NRG3: variants seen among roughly 807,000 people sequenced by gnomAD.
NRG3 encodes the protein pro-neuregulin-3, membrane-bound isoform.
NRG3 carries 31 observed loss-of-function variants against 66.9 expected under a neutral mutation model. That is an observed-to-expected ratio of 0.46 (90% CI 0.35 to 0.63). NRG3 has a LOEUF of 0.63. NRG3 is among the 20% of genes least tolerant of loss of function. The pLI is 0.00. For missense variants in NRG3, 910 were observed against 878.9 expected (o/e 1.04, Z -0.45); for synonymous variants, 393 against 359.4 (o/e 1.09, Z -1.06).
intron 2 of NRG3, among the ~76,000 whole-genome samples, chr10:82,731,786 ATCC>A (rs1439000603): frequency 1.3e-5 from 2 of 152,194 alleles, no homozygotes; most frequent in Non-Finnish European, 2.9e-5. Flanking sequence ...TTGTCTATAT[ATCC>A]AGTAGTGGGA....
chr10:82,835,641 AC>A (rs2062735669), intron 3 of NRG3, among the ~76,000 whole-genome samples: 1 of 151,976 alleles, frequency 6.6e-6, no homozygotes, highest in African/African-American at 2.4e-5. Flanking sequence ...AGATTTCATG[AC>A]CCTCCATCTT....
At chr10:81,940,249 C>T (rs922521919) in intron 1 of NRG3, among the ~76,000 whole-genome samples, 1 of 152,074 alleles carries the variant, frequency 6.6e-6, no homozygotes, top group Admixed American at 6.6e-5. Flanking sequence ...TGCTCTTATT[C>T]TGTGGAGACC....
At chr10:81,994,275 A>G (rs1456553905) in intron 1 of NRG3, among the ~76,000 whole-genome samples, 2 of 152,040 alleles carry the variant, frequency 1.3e-5, no homozygotes, top group Non-Finnish European at 1.5e-5. Flanking sequence ...TGCCTCTTGG[A>G]TTTCTCCCTA....
chr10:82,984,079 GAT>G (rs1404357225), intron 8 of NRG3, among the ~76,000 whole-genome samples: 1 of 152,212 alleles, frequency 6.6e-6, no homozygotes, highest in Non-Finnish European at 1.5e-5. Flanking sequence ...ATGGAAGGTT[GAT>G]ATGTTTAAAT....
At chr10:82,636,858 G>C (rs531969939) in intron 2 of NRG3, among the ~76,000 whole-genome samples, 1 of 151,794 alleles carries the variant, frequency 6.6e-6, no homozygotes, top group Non-Finnish European at 1.5e-5. Context: ...GTGTGAGAGA[G>C]TGTGTGTGTG....
chr10:82,495,811 GACACACAC>G (rs55671097), intron 2 of NRG3, among the ~76,000 whole-genome samples: 11 of 144,894 alleles, frequency 7.6e-5, no homozygotes, highest in African/African-American at 1.3e-4. Flanking sequence ...TTAGAGTGCA[GACACACAC>G]ACACACACAC....
At chr10:82,899,949 C>T (rs1237391863) in intron 4 of NRG3, among the ~76,000 whole-genome samples, 7 of 152,090 alleles carry the variant, frequency 4.6e-5, no homozygotes, top group South Asian at 2.1e-4. Flanking sequence ...CCTGAGACTT[C>T]GTAATTTATA....
At chr10:82,846,646 G>GGT (rs2063321530) in intron 3 of NRG3, among the ~76,000 whole-genome samples, 2 of 152,056 alleles carry the variant, frequency 1.3e-5, no homozygotes, top group South Asian at 4.1e-4. Context: ...ATGTCAAGAC[G>GGT]GTGTGTGTGT....
At chr10:81,933,298 G>A (rs1847565001) in intron 1 of NRG3, among the ~76,000 whole-genome samples, 1 of 151,982 alleles carries the variant, frequency 6.6e-6, no homozygotes, top group African/African-American at 2.4e-5. Context: ...ATCTAATTAT[G>A]TATAATTCCC....
chr10:82,945,136 T>C (rs1419678911), intron 4 of NRG3, among the ~76,000 whole-genome samples: 1 of 152,204 alleles, frequency 6.6e-6, no homozygotes, highest in Non-Finnish European at 1.5e-5. Context: ...CTTGCTTTTC[T>C]GTCTTTGAAT....
chr10:82,378,690 C>T (rs2085419424), intron 2 of NRG3, among the ~76,000 whole-genome samples: 1 of 152,082 alleles, frequency 6.6e-6, no homozygotes, highest in African/African-American at 2.4e-5. Context: ...CCTGTCTCAG[C>T]CTCCCAAGTA....
chr10:82,934,424 G>T (rs1002300582), intron 4 of NRG3, among the ~76,000 whole-genome samples: 1 of 152,306 alleles, frequency 6.6e-6, no homozygotes, highest in South Asian at 2.1e-4. Context: ...TGTATGGATT[G>T]TCTTGCTTCT....
intron 8 of NRG3, among the ~76,000 whole-genome samples, chr10:82,980,150 A>G (rs1852707194): frequency 6.6e-6 from 1 of 151,956 alleles, no homozygotes. Flanking sequence ...GGCTATACTG[A>G]GTGCACATGG....
intron 1 of NRG3, among the ~76,000 whole-genome samples, chr10:82,283,956 G>A (rs770530862): frequency 2.6e-5 from 4 of 152,182 alleles, no homozygotes; most frequent in East Asian, 3.9e-4. Flanking sequence ...TGGTTTGCTC[G>A]TAGTTTGCTA....
chr10:81,938,953 C>A (rs538829920), intron 1 of NRG3, among the ~76,000 whole-genome samples: 1 of 151,798 alleles, frequency 6.6e-6, no homozygotes, highest in Non-Finnish European at 1.5e-5. Flanking sequence ...GTTTGTTGAG[C>A]GTTTTTATCA....
chr10:82,659,568 A>G (rs2052154926), intron 2 of NRG3, among the ~76,000 whole-genome samples: 1 of 150,554 alleles, frequency 6.6e-6, no homozygotes. Context: ...TAACTTGAAC[A>G]TGGGGGTGAA....
Position 82,986,865 on chromosome 10 carries a change from A to G in NRG3, c.*1260A>G, listed in dbSNP as rs8421. On this transcript the variant is annotated 3_prime_UTR_variant, in exon 9 of 9. Coordinates refer to ENST00000372141, the MANE Select transcript of NRG3 (RefSeq NM_001010848.4). ...TAGCAAGTCTGCTATGTGTGGACCA[A>G]GGCTTCGGCTTCTGTGGTTAGTATG... The G allele has an allele frequency of 0.45, 67,846 of 152,100 alleles. 16,612 individuals are homozygous for G. The highest frequency in any genetic ancestry group is 0.57 in the Non-Finnish European group (38,876 of 67,970). 9.4% of individuals were successfully genotyped at this position (152,100 alleles called of 1,614,324 possible).
chr10:82,438,599 A>G (rs1317528429), intron 2 of NRG3, among the ~76,000 whole-genome samples: 2 of 152,196 alleles, frequency 1.3e-5, no homozygotes, highest in East Asian at 3.9e-4. Flanking sequence ...GATTAAGCAG[A>G]TTCCAGCTGA....
chr10:82,962,945 C>G (rs1275960409), intron 6 of NRG3, among the ~76,000 whole-genome samples: 1 of 152,176 alleles, frequency 6.6e-6, no homozygotes, highest in East Asian at 1.9e-4. Context: ...TTATTGAACT[C>G]TGGTAAAGCC....
Sources: allele counts gnomAD v4.1 joint callset (sites outside exome capture counted in the v4.1 genomes callset), GRCh38; gene constraint gnomAD v4.1.1; transcripts MANE v1.5; gene names NCBI Gene and HGNC (gene_info 2026-07-23, HGNC 2026-07-21).